Variants in LHFPL3 observed in about 807,000 individuals in gnomAD.
LHFPL3 encodes LHFPL tetraspan subfamily member 3 protein.
LHFPL3 carries 5 observed loss-of-function variants against 19.3 expected under a neutral mutation model. The observed-to-expected ratio is 0.26, with a 90% CI of 0.14 to 0.54. LHFPL3 has a LOEUF of 0.54. Ranked by LOEUF, LHFPL3 falls within the 20% of genes least tolerant of loss-of-function variation. The pLI, the probability that LHFPL3 is intolerant of heterozygous loss-of-function variation, is 0.94. For synonymous variants in LHFPL3, 133 were observed against 126.2 expected (o/e 1.05, Z -0.36); for missense variants, 249 against 307.4 (o/e 0.81, Z 1.42).
intron 1 of LHFPL3, among the ~76,000 whole-genome samples, chr7:104,394,004 G>A (rs1166745095): frequency 6.6e-6 from 1 of 152,108 alleles, no homozygotes; most frequent in Non-Finnish European, 1.5e-5. Flanking sequence ...TGATGAGAAG[G>A]TTCTAAAATT....
intron 1 of LHFPL3, chr7:104,668,361 A>T (rs1792401164): frequency 2.5e-6 from 4 of 1,593,862 alleles, no homozygotes; most frequent in African/African-American, 2.7e-5. Context: ...TCGTCCTGCT[A>T]CAGACACCTT....
At chr7:104,774,538 G>A (rs147306822) in intron 2 of LHFPL3, among the ~76,000 whole-genome samples, 50 of 152,334 alleles carry the variant, frequency 3.3e-4, no homozygotes, top group African/African-American at 1.1e-3. Flanking sequence ...CAGTAATACA[G>A]AGAGAAAGGA....
chr7:104,813,963 A>G (rs1355265662), intron 2 of LHFPL3, among the ~76,000 whole-genome samples: 1 of 152,186 alleles, frequency 6.6e-6, no homozygotes, highest in East Asian at 1.9e-4. Flanking sequence ...TGTTTGTGTT[A>G]CAGCTCTTTT....
intron 1 of LHFPL3, among the ~76,000 whole-genome samples, chr7:104,629,826 G>A (rs1353309877): frequency 6.6e-6 from 1 of 152,162 alleles, no homozygotes; most frequent in African/African-American, 2.4e-5. Flanking sequence ...AGCCACATTG[G>A]ATGGGATTCA....
intron 1 of LHFPL3, among the ~76,000 whole-genome samples, chr7:104,517,060 C>T (rs1330016381): frequency 1.3e-5 from 2 of 152,132 alleles, no homozygotes; most frequent in Non-Finnish European, 2.9e-5. Context: ...TTAAATGCCA[C>T]ATGTTCTCAC....
intron 1 of LHFPL3, among the ~76,000 whole-genome samples, chr7:104,508,840 G>T (rs1793754574): frequency 6.6e-6 from 1 of 151,146 alleles, no homozygotes; most frequent in African/African-American, 2.4e-5. Flanking sequence ...TTTTTTTAAA[G>T]ATCGATAAAA....
intron 2 of LHFPL3, among the ~76,000 whole-genome samples, chr7:104,832,918 T>C (rs1357239919): frequency 1.5e-5 from 2 of 132,960 alleles, no homozygotes; most frequent in Non-Finnish European, 3.1e-5. Context: ...CAGAGGTTGG[T>C]GTATTAGTCA....
chr7:104,437,728 TG>T (rs1040092234), intron 1 of LHFPL3, among the ~76,000 whole-genome samples: 10 of 152,114 alleles, frequency 6.6e-5, no homozygotes. Flanking sequence ...GGGCTGGTTA[TG>T]GGGGTAGGGA....
At chr7:104,469,963 A>G (rs1792875662) in intron 1 of LHFPL3, 30 of 455,788 alleles carry the variant, frequency 6.6e-5, no homozygotes, top group South Asian at 4.6e-4. Context: ...CTGTACGGAA[A>G]TAGGTGGTTG....
chr7:104,738,877 G>A (rs1276912962), intron 2 of LHFPL3: 1 of 152,128 alleles, frequency 6.6e-6, no homozygotes, highest in Non-Finnish European at 1.5e-5. Flanking sequence ...AGAAGGTTTA[G>A]GGATTATCTT....
chr7:104,563,345 G>A (rs1416386177), intron 1 of LHFPL3, among the ~76,000 whole-genome samples: 146 of 152,320 alleles, frequency 9.6e-4, no homozygotes, highest in African/African-American at 3.1e-3. Context: ...CTCCGTGGGC[G>A]TAGGACCCTC....
chr7:104,399,830 T>C lies in LHFPL3; in HGVS notation c.445+70606T>C, dbSNP rs1791275732. On this transcript the variant is annotated intron_variant, in intron 1 of 2. Transcript: ENST00000424859. The surrounding 1 kb of genome is among the most constrained non-coding windows in gnomAD (Gnocchi z 4.4). Reference sequence around the variant, plus strand: ...CCATGGAAGTGGCCCCAAAGAGTCATGTTGAGAGGGTTGGCTAAAGACTCT... The same window carrying C: ...CCATGGAAGTGGCCCCAAAGAGTCACGTTGAGAGGGTTGGCTAAAGACTCT... 6.6e-6 allele frequency among the ~76,000 whole-genome samples: 1 copy of C among 151,304 alleles called. No individual in the cohort carries two copies. Among genetic ancestry groups the C allele is most frequent in the Non-Finnish European group, 1.5e-5 (1 of 67,816 alleles).
chr7:104,764,291 C>A (rs1794420690), intron 2 of LHFPL3, among the ~76,000 whole-genome samples: 1 of 152,166 alleles, frequency 6.6e-6, no homozygotes, highest in South Asian at 2.1e-4. Context: ...ACCTCAGCCT[C>A]CTGAGTAGCT....
At chr7:104,827,282 G>A (rs943081579) in intron 2 of LHFPL3, among the ~76,000 whole-genome samples, 4 of 151,986 alleles carry the variant, frequency 2.6e-5, no homozygotes, top group African/African-American at 9.7e-5. Flanking sequence ...ATAAACCCTG[G>A]TCTTGCAAAG....
chr7:104,390,022 G>T (rs1046638204), intron 1 of LHFPL3, among the ~76,000 whole-genome samples: 2 of 151,070 alleles, frequency 1.3e-5, no homozygotes, highest in Non-Finnish European at 2.9e-5. Context: ...TTTCATCAAA[G>T]TTAAAATTAA....
chr7:104,514,267 C>A (rs139505339), intron 1 of LHFPL3, among the ~76,000 whole-genome samples: 1 of 152,140 alleles, frequency 6.6e-6, no homozygotes, highest in Non-Finnish European at 1.5e-5. Flanking sequence ...TCTACTTCAT[C>A]AGATCTCATT....
chr7:104,772,677 C>T (rs768584134), intron 2 of LHFPL3, among the ~76,000 whole-genome samples: 2 of 152,206 alleles, frequency 1.3e-5, no homozygotes, highest in African/African-American at 2.4e-5. Context: ...CCTGCTGCCT[C>T]GAGGTAGAGA....
intron 1 of LHFPL3, among the ~76,000 whole-genome samples, chr7:104,694,318 C>G (rs1048396295): frequency 3.3e-5 from 5 of 152,082 alleles, no homozygotes; most frequent in African/African-American, 1.2e-4. Flanking sequence ...GGAAAAATAT[C>G]TAAAAATGCT....
rs552379345 is a variant in LHFPL3 at position 104,705,100 on chromosome 7, G to T, written c.446-31575G>T. Among the ~76,000 whole-genome samples the T allele has an allele frequency of 4.6e-5, 7 of 152,198 alleles. No individual in the cohort carries two copies. In the South Asian group the frequency reaches 8.3e-4, roughly 18 times the overall value. ...TCATTTTCTATGTGGGAACTTAAAA[G>T]ATTTATTTCTTAAATATAAGAAGTT... On this transcript the variant is annotated intron_variant, in intron 1 of 2. Transcript: ENST00000424859.
Sources: allele counts gnomAD v4.1 joint callset (sites outside exome capture counted in the v4.1 genomes callset), GRCh38; gene constraint gnomAD v4.1.1; non-coding constraint Gnocchi (gnomAD v3.1); transcripts MANE v1.5; gene names NCBI Gene and HGNC (gene_info 2026-07-23, HGNC 2026-07-21).